The following ZDHHC13 variants were observed in gnomAD, a reference collection of about 807,000 sequenced individuals.
ZDHHC13 encodes palmitoyltransferase ZDHHC13.
Under a neutral mutation model 86.0 loss-of-function variants are expected in ZDHHC13, and 85 were observed. The ratio of observed to expected loss-of-function variants is 0.99; its 90% CI spans 0.83 to 1.18. ZDHHC13 has a LOEUF of 1.18. ZDHHC13 is among the 50% of genes most tolerant of loss of function. The probability of loss-of-function intolerance (pLI) is 0.00; values close to 1 mark genes in which losing one functional copy is unlikely to be tolerated. For synonymous variants in ZDHHC13, 263 were observed against 246.4 expected, an observed-to-expected ratio of 1.07 and a Z score of -0.63; for missense variants, 711 against 730.2, an observed-to-expected ratio of 0.97 and a Z score of 0.30.
intron 1 of ZDHHC13, among the ~76,000 whole-genome samples, chr11:19,140,301 A>G (rs1292402837): frequency 6.6e-6 from 1 of 152,234 alleles, no homozygotes; most frequent in East Asian, 1.9e-4. Context: ...TGCAGTCAAA[A>G]GACATATGAA....
intron 1 of ZDHHC13, among the ~76,000 whole-genome samples, chr11:19,134,822 G>C (rs762640882): frequency 6.6e-6 from 1 of 152,016 alleles, no homozygotes; most frequent in Non-Finnish European, 1.5e-5. Context: ...AAACCTGCAC[G>C]TTCTGCACAT....
chr11:19,173,895 G>T (rs746882774), intron 16 of ZDHHC13, among the ~76,000 whole-genome samples: 2 of 152,096 alleles, frequency 1.3e-5, no homozygotes, highest in Non-Finnish European at 2.9e-5. Context: ...CTGAATAGAG[G>T]GACACATGAG....
intron 1 of ZDHHC13, among the ~76,000 whole-genome samples, 194 bp from the exon 2 acceptor site, chr11:19,142,784 G>T (rs1357025760): frequency 1.3e-5 from 2 of 151,480 alleles, no homozygotes; most frequent in East Asian, 1.9e-4. Context: ...ACCCAGGCTG[G>T]AATGCAATGG....
chr11:19,147,660 C>T lies in ZDHHC13; in HGVS notation c.361C>T (p.His121Tyr), dbSNP rs1416773646. Residue 121 changes from histidine to tyrosine, a missense_variant, in exon 4 of 17, where the codon CAC becomes TAC. By Grantham distance (83) the His-to-Tyr change is moderately conservative (BLOSUM62 2). Coordinates refer to ENST00000446113, the MANE Select transcript of ZDHHC13 (RefSeq NM_019028.3). ...TGGAGATTTAAATTCAACTCCTCTTCACTGGGCCATCCGGTAAGGTTTCTT... is the reference window on the plus strand; with the variant it reads ...TGGAGATTTAAATTCAACTCCTCTTTACTGGGCCATCCGGTAAGGTTTCTT... ...LGGDLNSTPL[H>Y]WAIRQGHLPM... 1 of 1,600,252 alleles carries T rather than the reference C, an allele frequency of 6.2e-7. No individual in the cohort carries two copies. Among genetic ancestry groups the T allele is most frequent in the Non-Finnish European group, 8.5e-7 (1 of 1,172,774 alleles).
intron 16 of ZDHHC13, among the ~76,000 whole-genome samples, chr11:19,175,502 T>C (rs2133495682): frequency 6.7e-6 from 1 of 148,706 alleles, no homozygotes; most frequent in African/African-American, 2.5e-5. Context: ...ATTAGGGAAG[T>C]AGGAATAGAA....
chr11:19,135,134 T>A (rs1346849338), intron 1 of ZDHHC13, among the ~76,000 whole-genome samples: 2 of 152,142 alleles, frequency 1.3e-5, no homozygotes, highest in Non-Finnish European at 2.9e-5. Context: ...AGAAGACGGG[T>A]GATTTCTGCA....
At chr11:19,141,965 C>T (rs1482271981) in intron 1 of ZDHHC13, among the ~76,000 whole-genome samples, 3 of 152,132 alleles carry the variant, frequency 2.0e-5, no homozygotes, top group African/African-American at 7.2e-5. Context: ...AATTACCACG[C>T]ATTTAGTGGG....
chr11:19,117,133 C>A, upstream of ZDHHC13: 3 of 1,126,610 alleles, frequency 2.7e-6, no homozygotes, highest in Non-Finnish European at 3.8e-6. This position sits in a 1 kb window ranked among gnomAD's most constrained non-coding sequence, Gnocchi z 4.2. Flanking sequence ...GGGACCGCAG[C>A]GGCGGAGGTG....
chr11:19,138,293 A>C (rs1849206594), intron 1 of ZDHHC13, among the ~76,000 whole-genome samples: 1 of 151,984 alleles, frequency 6.6e-6, no homozygotes, highest in South Asian at 2.1e-4. Context: ...ACCTCTACGC[A>C]AATAAACTAG....
At chr11:19,125,351 G>A (rs1590059416) in intron 1 of ZDHHC13, among the ~76,000 whole-genome samples, 1 of 152,126 alleles carries the variant, frequency 6.6e-6, no homozygotes, top group Admixed American at 6.5e-5. Context: ...AAGATATACA[G>A]GTGGCAAATA....
chr11:19,174,740 G>C (rs1191455675), intron 16 of ZDHHC13, among the ~76,000 whole-genome samples: 2 of 152,264 alleles, frequency 1.3e-5, no homozygotes, highest in Non-Finnish European at 2.9e-5. Context: ...CCTGGGCCTT[G>C]AGAACTGGTA....
chr11:19,165,525 T>TG (rs1253405469), intron 13 of ZDHHC13, among the ~76,000 whole-genome samples: 1 of 152,166 alleles, frequency 6.6e-6, no homozygotes, highest in Non-Finnish European at 1.5e-5. Flanking sequence ...CGGACCATGA[T>TG]GTAGTAGCTG....
chr11:19,174,144 AG>A (rs1453697693), intron 16 of ZDHHC13, among the ~76,000 whole-genome samples: 1 of 152,252 alleles, frequency 6.6e-6, no homozygotes, highest in African/African-American at 2.4e-5. Context: ...ATAACCCAAC[AG>A]GCAGGTAGTG....
intron 6 of ZDHHC13, among the ~76,000 whole-genome samples, chr11:19,151,401 AT>A (rs1351674040): frequency 1.3e-5 from 2 of 151,970 alleles, no homozygotes; most frequent in African/African-American, 4.8e-5. Context: ...TCTATGTTGT[AT>A]TGAATCTCTG....
At chr11:19,161,146 C>G (rs1193143023) in intron 10 of ZDHHC13, among the ~76,000 whole-genome samples, 3 of 151,998 alleles carry the variant, frequency 2.0e-5, no homozygotes. Context: ...TTTAGGCTAG[C>G]TTTGTCTCAG....
chr11:19,154,058 C>T (rs1849690580), intron 8 of ZDHHC13, among the ~76,000 whole-genome samples: 1 of 152,134 alleles, frequency 6.6e-6, no homozygotes, highest in Admixed American at 6.5e-5. Flanking sequence ...CCTCATTTCT[C>T]CCAGAGTAAA....
intron 1 of ZDHHC13, among the ~76,000 whole-genome samples, chr11:19,131,600 A>G (rs1849001748): frequency 6.6e-6 from 1 of 151,888 alleles, no homozygotes; most frequent in Admixed American, 6.6e-5. Flanking sequence ...ATCTGCTGTT[A>G]ATCTAATCTG....
At chr11:19,120,313 T>G (rs562516017) in intron 1 of ZDHHC13, among the ~76,000 whole-genome samples, 1 of 152,172 alleles carries the variant, frequency 6.6e-6, no homozygotes, top group Admixed American at 6.5e-5. Flanking sequence ...TGGAGATGAA[T>G]TGAGAGCTGG....
At chr11:19,133,878 G>C (rs1353801118) in intron 1 of ZDHHC13, among the ~76,000 whole-genome samples, 1 of 134,712 alleles carries the variant, frequency 7.4e-6, no homozygotes, top group Non-Finnish European at 1.6e-5. Context: ...GTTTCATGGA[G>C]GTTCATTTTA....
Sources: allele counts gnomAD v4.1 joint callset (sites outside exome capture counted in the v4.1 genomes callset), GRCh38; gene constraint gnomAD v4.1.1; non-coding constraint Gnocchi (gnomAD v3.1); transcripts MANE v1.5; gene names NCBI Gene and HGNC (gene_info 2026-07-23, HGNC 2026-07-21).